The following IL1R1 variants were observed in gnomAD, a reference collection of about 807,000 sequenced individuals.
IL1R1 encodes the protein interleukin 1 receptor type 1.
A neutral mutation model predicts 50.2 loss-of-function variants in IL1R1; 22 were observed. The observed-to-expected ratio is 0.44, with a 90% CI of 0.31 to 0.63. The LOEUF is 0.63. Among genes scored for constraint, IL1R1 ranks in the 20% least tolerant of loss-of-function variants. The pLI is 0.07. For synonymous variants in IL1R1, 251 were observed against 236.7 expected (o/e 1.06, Z -0.55); for missense variants, 509 against 676.2 (o/e 0.75, Z 2.74).
At chr2:102,102,831 A>G (rs748977494), upstream of IL1R1, among the ~76,000 whole-genome samples, 6 of 152,224 alleles carry the variant, frequency 3.9e-5, no homozygotes, top group East Asian at 7.7e-4. Flanking sequence ...AAAAAGAACA[A>G]GATCATGTCT....
At chr2:102,098,105 G>A (rs1679983518) in intron 1 of IL1R1, among the ~76,000 whole-genome samples, 1 of 151,970 alleles carries the variant, frequency 6.6e-6, no homozygotes, top group Non-Finnish European at 1.5e-5. Flanking sequence ...TATAAAGATG[G>A]CTTAATCTCA....
In IL1R1 at chr2:102,177,314, A is replaced by ACTTT. The variant is rs1686231822; in HGVS notation, c.*555_*556insCTTT. On this transcript the variant is annotated 3_prime_UTR_variant, in exon 12 of 12. Coordinates refer to ENST00000410023, the MANE Select transcript of IL1R1 (RefSeq NM_000877.4). ...TCTGAATGTTTGAACTGCCAAGAAA[A>ACTTT]GGCATGGAGACAGCGAACTAGAAGA... The ACTTT allele has an allele frequency of 1.9e-5, 3 of 158,046 alleles. No homozygotes were observed. Among genetic ancestry groups the ACTTT allele is most frequent in the African/African-American group, 7.2e-5 (3 of 41,544 alleles). 9.8% of individuals were successfully genotyped at this position (158,046 alleles called of 1,614,324 possible).
At chr2:102,083,892 C>T (rs1274443218) in intron 1 of IL1R1, among the ~76,000 whole-genome samples, 1 of 151,626 alleles carries the variant, frequency 6.6e-6, no homozygotes, top group African/African-American at 2.4e-5. Context: ...TGCAGTGAGC[C>T]GAGATCACGC....
chr2:102,075,580 G>A (rs1400254152), intron 1 of IL1R1, among the ~76,000 whole-genome samples: 1 of 152,128 alleles, frequency 6.6e-6, no homozygotes, highest in Non-Finnish European at 1.5e-5. Flanking sequence ...CATATTTTGA[G>A]TTCTTGATCT....
intron 1 of IL1R1, among the ~76,000 whole-genome samples, chr2:102,132,250 G>T (rs1682078869): frequency 6.6e-6 from 1 of 151,220 alleles, no homozygotes; most frequent in Admixed American, 6.6e-5. Context: ...AAAGGATAGA[G>T]CACCAGAAAT....
intron 1 of IL1R1, among the ~76,000 whole-genome samples, chr2:102,091,498 T>C (rs1679665366): frequency 6.6e-6 from 1 of 152,240 alleles, no homozygotes; most frequent in African/African-American, 2.4e-5. Context: ...TTCTGAAAAT[T>C]ATACATACTA....
chr2:102,096,412 C>T (rs1480369013), intron 1 of IL1R1, among the ~76,000 whole-genome samples: 2 of 152,192 alleles, frequency 1.3e-5, no homozygotes, highest in African/African-American at 4.8e-5. Context: ...AGTTGTTTGC[C>T]TACCTCGGAA....
At chr2:102,166,977 A>C (rs542086730) in intron 6 of IL1R1, among the ~76,000 whole-genome samples, 1 of 152,358 alleles carries the variant, frequency 6.6e-6, no homozygotes, top group South Asian at 2.1e-4. Context: ...AAATGAAACA[A>C]AATGCACAAA....
rs1313273910 is a variant in IL1R1 at position 102,085,822 on chromosome 2, C to A, written c.-84+15289C>A. 4.6e-5 allele frequency among the ~76,000 whole-genome samples: 7 copies of A among 152,234 alleles called. No individual in the cohort carries two copies. The East Asian group carries it at 1.4e-3, about 29-fold the overall frequency. On this transcript the variant is annotated intron_variant, in intron 1 of 11. Coordinates refer to the IL1R1 transcript ENST00000409929. ...AACTGACAACTTTACAACATCAAAT[C>A]TTTCAATTATTGAACATGCTACATT...
upstream of IL1R1, among the ~76,000 whole-genome samples, chr2:102,140,763 T>C (rs1214270637): frequency 6.6e-6 from 1 of 151,940 alleles, no homozygotes; most frequent in Non-Finnish European, 1.5e-5. Context: ...AGAAAGTCAG[T>C]GAAAGTGGTC....
chr2:102,144,770 A>G (rs1396797959), intron 1 of IL1R1, among the ~76,000 whole-genome samples: 1 of 152,128 alleles, frequency 6.6e-6, no homozygotes, highest in Non-Finnish European at 1.5e-5. Context: ...AGAGGACACC[A>G]CTCAGCAGCC....
At chr2:102,149,550 C>T (rs957195843) in intron 1 of IL1R1, among the ~76,000 whole-genome samples, 2 of 152,128 alleles carry the variant, frequency 1.3e-5, no homozygotes, top group Non-Finnish European at 2.9e-5. Flanking sequence ...GCCCACTTGG[C>T]CTAATCCTAA....
upstream of IL1R1, among the ~76,000 whole-genome samples, chr2:102,139,397 G>A (rs1168546389): frequency 6.6e-6 from 1 of 152,234 alleles, no homozygotes; most frequent in Non-Finnish European, 1.5e-5. Context: ...CGGGGGCTTT[G>A]CTATGACCCT....
chr2:102,158,324 A>G (rs1415764570), intron 3 of IL1R1, among the ~76,000 whole-genome samples: 1 of 152,194 alleles, frequency 6.6e-6, no homozygotes, highest in Non-Finnish European at 1.5e-5. Flanking sequence ...ATTCTTGTAG[A>G]AGAGAGAGAT....
intron 1 of IL1R1, among the ~76,000 whole-genome samples, chr2:102,087,197 A>C (rs1226930281): frequency 6.6e-6 from 1 of 152,234 alleles, no homozygotes; most frequent in Admixed American, 6.5e-5. Context: ...AGGCTTCAGT[A>C]AGTTGTAATC....
intron 1 of IL1R1, among the ~76,000 whole-genome samples, chr2:102,132,419 G>C (rs1446644817): frequency 1.3e-5 from 2 of 152,118 alleles, no homozygotes; most frequent in Non-Finnish European, 2.9e-5. Context: ...TAGGGTTCCT[G>C]TATGTAGGGT....
At chr2:102,132,151 A>C (rs902386136) in intron 1 of IL1R1, among the ~76,000 whole-genome samples, 1 of 151,930 alleles carries the variant, frequency 6.6e-6, no homozygotes, top group African/African-American at 2.4e-5. Context: ...AAGCTGAATT[A>C]ATCACTAACA....
chr2:102,176,957 T>G lies in IL1R1; in HGVS notation c.*198T>G, dbSNP rs1686195591. 1.7e-6 allele frequency: 1 copy of G among 571,548 alleles called. No individual in the cohort carries two copies. Among genetic ancestry groups the G allele is most frequent in the South Asian group, 2.5e-5 (1 of 40,298 alleles). The allele number at this position is 571,548 out of a possible 1,614,324, so 35.4% of individuals were successfully genotyped here. A position where few individuals can be genotyped will look rare whatever the true frequency, so the allele number is the denominator to read the frequency against. ...CCCAGGGCACTTCAGAGTAGAGGGC[T>G]TGGGAAGATCTTTTAAAAAGGCAGT... On this transcript the variant is annotated 3_prime_UTR_variant, in exon 12 of 12. Transcript: ENST00000410023.
At chr2:102,092,711 T>C (rs1679727701) in intron 1 of IL1R1, among the ~76,000 whole-genome samples, 1 of 152,128 alleles carries the variant, frequency 6.6e-6, no homozygotes, top group Non-Finnish European at 1.5e-5. Context: ...AGCAGTGAAC[T>C]CTTGCTGAAA....
Sources: allele counts gnomAD v4.1 joint callset (sites outside exome capture counted in the v4.1 genomes callset), GRCh38; gene constraint gnomAD v4.1.1; transcripts MANE v1.5; gene names NCBI Gene and HGNC (gene_info 2026-07-23, HGNC 2026-07-21).